The following NEBL variants were observed in gnomAD, a reference collection of about 807,000 sequenced individuals.
NEBL encodes the protein nebulette.
In NEBL, 122 loss-of-function variants were observed where a neutral mutation model predicts 140.2. That is an observed-to-expected ratio of 0.87 (90% confidence interval 0.75 to 1.01). The LOEUF is 1.01. NEBL is among the 50% of genes least tolerant of loss of function. The pLI is 0.00. For missense variants in NEBL, 1,365 were observed against 1,231.3 expected, an observed-to-expected ratio of 1.11 and a Z score of -1.62; for synonymous variants, 436 against 398.9, an observed-to-expected ratio of 1.09 and a Z score of -1.11.
intron 3 of NEBL, among the ~76,000 whole-genome samples, chr10:21,197,147 T>G (rs1589325091): frequency 1.3e-5 from 2 of 152,360 alleles, no homozygotes; most frequent in African/African-American, 4.8e-5. Context: ...CTAGTGAATT[T>G]TATCCAGTGA....
intron 3 of NEBL, among the ~76,000 whole-genome samples, chr10:20,990,779 C>A (rs1045729199): frequency 6.6e-6 from 1 of 152,214 alleles, no homozygotes; most frequent in Non-Finnish European, 1.5e-5. Context: ...GACTCAGTCA[C>A]TAATCTTCAG....
At chr10:21,180,364 G>T (rs944615079) in intron 3 of NEBL, among the ~76,000 whole-genome samples, 2 of 152,082 alleles carry the variant, frequency 1.3e-5, no homozygotes, top group African/African-American at 4.8e-5. Flanking sequence ...AGTTGGAAAG[G>T]GAGATGGTAT....
At chr10:20,842,016 T>G (rs1202252980) in intron 12 of NEBL, among the ~76,000 whole-genome samples, 1 of 152,134 alleles carries the variant, frequency 6.6e-6, no homozygotes, top group Non-Finnish European at 1.5e-5. Context: ...CGTATGAAAA[T>G]CATAAATATC....
At chr10:20,860,770 T>A (rs1019906020) in intron 7 of NEBL, among the ~76,000 whole-genome samples, 2 of 152,130 alleles carry the variant, frequency 1.3e-5, no homozygotes, top group Admixed American at 6.5e-5. Flanking sequence ...ATCTAAAGGC[T>A]CTGCTTTGCA....
At chr10:21,171,161 C>A (rs954138016) in intron 2 of NEBL, among the ~76,000 whole-genome samples, 3 of 151,956 alleles carry the variant, frequency 2.0e-5, no homozygotes, top group Non-Finnish European at 4.4e-5. Context: ...CATGGAGAAA[C>A]CCCGTCTCTA....
intron 3 of NEBL, among the ~76,000 whole-genome samples, chr10:21,228,508 A>G (rs1389938368): frequency 6.6e-6 from 1 of 152,128 alleles, no homozygotes; most frequent in Admixed American, 6.6e-5. Context: ...CAATTAGACC[A>G]TCTTGCTCCC....
chr10:21,105,833 T>A (rs1837692038), intron 2 of NEBL, among the ~76,000 whole-genome samples: 1 of 152,188 alleles, frequency 6.6e-6, no homozygotes, highest in Admixed American at 6.5e-5. Context: ...TTTCTCTACA[T>A]CCTCTCCAGC....
rs117284331 is a variant in NEBL at position 21,072,610 on chromosome 10, T to C, written c.165-52409A>G. On this transcript the variant is annotated intron_variant, in intron 2 of 6. Coordinates refer to the NEBL transcript ENST00000417816. ...CAGAGTGCGGAGCACAGGAAGGGTATGCCCAGGGGGATCCAGGCCAGTCCC... is the reference window on the plus strand; with the variant it reads ...CAGAGTGCGGAGCACAGGAAGGGTACGCCCAGGGGGATCCAGGCCAGTCCC... Among the ~76,000 whole-genome samples the C allele has an allele frequency of 6.8e-3, 1,030 of 152,316 alleles. 5 individuals carry two copies. Among genetic ancestry groups the C allele is most frequent in the Non-Finnish European group, 0.012 (833 of 68,018 alleles).
At position 21,061,413 on chromosome 10, in the gene NEBL, C is replaced by T. The variant is rs185786489; in HGVS notation, c.165-41212G>A. Among the ~76,000 whole-genome samples the T allele has an allele frequency of 4.2e-4, 61 of 146,906 alleles. 1 individual carries two copies. In the South Asian group the frequency reaches 7.5e-3, roughly 18 times the overall value. On this transcript the variant is annotated intron_variant, in intron 2 of 6. Coordinates refer to the NEBL transcript ENST00000417816. ...ATCATATATTACATGGTACATGATA[C>T]GTATCATATATTGCATGGTGTATGA...
intron 2 of NEBL, among the ~76,000 whole-genome samples, chr10:21,076,394 G>A (rs543839392): frequency 6.7e-5 from 9 of 134,208 alleles, no homozygotes; most frequent in South Asian, 2.5e-4. Flanking sequence ...GCAGTGAGCC[G>A]AGATCGTGCC....
chr10:20,959,227 A>G (rs1232351629), intron 4 of NEBL, among the ~76,000 whole-genome samples: 1 of 152,174 alleles, frequency 6.6e-6, no homozygotes, highest in Non-Finnish European at 1.5e-5. Context: ...ATTAACCTAT[A>G]TTAAACTTGG....
rs1839525099 is a variant in NEBL, at chr10:20,823,240, T to C, written c.1930A>G (p.Arg644Gly). 6.2e-7 allele frequency: 1 copy of C among 1,609,600 alleles called. No homozygotes were observed. Among genetic ancestry groups the C allele is most frequent in the African/African-American group, 1.3e-5 (1 of 74,962 alleles). The change falls in exon 19 of 28, where the codon AGA becomes GGA. Residue 644 changes from arginine to glycine, a missense_variant. Arg to Gly is a moderately radical substitution (Grantham distance 125, BLOSUM62 -2). Transcript: ENST00000377122. ...TAISDPPELK[R>G]VKENQKNISN... ...ATGTTCTTCTGGTTTTCTTTAACTC[T>C]CTTTAGTTCTGGAGGATCAGAAATG...
intron 2 of NEBL, among the ~76,000 whole-genome samples, chr10:21,117,076 A>G (rs766518181): frequency 6.6e-6 from 1 of 152,000 alleles, no homozygotes; most frequent in African/African-American, 2.4e-5. Context: ...GCTGGGTGCA[A>G]TAAAGTTACT....
intron 2 of NEBL, chr10:21,028,863 A>T: frequency 3.0e-6 from 1 of 330,486 alleles, no homozygotes. Context: ...TTCAATAATC[A>T]TAAAAATGTA....
chr10:21,146,196 A>C (rs1839883723), intron 2 of NEBL: 3 of 631,958 alleles, frequency 4.7e-6, no homozygotes, highest in Admixed American at 5.4e-5. Flanking sequence ...GTCAGTGATA[A>C]CTGCAAAGGA....
chr10:21,204,423 TTCTC>T (rs1439028481), intron 3 of NEBL, among the ~76,000 whole-genome samples: 9 of 151,890 alleles, frequency 5.9e-5, no homozygotes, highest in African/African-American at 1.9e-4. Context: ...GTAGAGACCT[TTCTC>T]TCTCTCTCTT....
At chr10:20,928,443 C>A (rs1834016384) in intron 4 of NEBL, among the ~76,000 whole-genome samples, 1 of 152,074 alleles carries the variant, frequency 6.6e-6, no homozygotes, top group African/African-American at 2.4e-5. Context: ...GACATATATA[C>A]AGCATAAACA....
chr10:20,834,141 A>G (rs1282016536), intron 14 of NEBL, among the ~76,000 whole-genome samples: 1 of 152,192 alleles, frequency 6.6e-6, no homozygotes, highest in East Asian at 1.9e-4. Flanking sequence ...AGGTAGACCT[A>G]TATGAAGGAA....
At chr10:21,049,157 T>A (rs1834653584) in intron 2 of NEBL, among the ~76,000 whole-genome samples, 1 of 152,236 alleles carries the variant, frequency 6.6e-6, no homozygotes, top group Admixed American at 6.5e-5. Context: ...GTGTACTGAT[T>A]AAAATGTTAA....
Sources: allele counts gnomAD v4.1 joint callset (sites outside exome capture counted in the v4.1 genomes callset), GRCh38; gene constraint gnomAD v4.1.1; transcripts MANE v1.5; gene names NCBI Gene and HGNC (gene_info 2026-07-23, HGNC 2026-07-21).